Variants in PCDHA4 observed in about 807,000 individuals in gnomAD.
PCDHA4 encodes protocadherin alpha 4, also known as protocadherin alpha-4.
In PCDHA4, 49 loss-of-function variants were observed where a neutral mutation model predicts 61.4. The observed-to-expected ratio is 0.80, with a 90% confidence interval of 0.63 to 1.01. The LOEUF (loss-of-function observed/expected upper bound fraction) is 1.01. PCDHA4 is among the 50% of genes least tolerant of loss of function. The pLI is 0.00. For synonymous variants in PCDHA4, 590 were observed against 550.3 expected, an observed-to-expected ratio of 1.07 and a Z score of -1.01; for missense variants, 1,254 against 1,235.8, an observed-to-expected ratio of 1.01 and a Z score of -0.22.
intron 3 of PCDHA4, among the ~76,000 whole-genome samples, chr5:140,992,572 G>T (rs1441448703): frequency 2.0e-5 from 3 of 152,148 alleles, no homozygotes; most frequent in Non-Finnish European, 4.4e-5. Flanking sequence ...AACACATATT[G>T]CCTGCCTTGT....
At chr5:140,836,239 G>A in intron 1 of PCDHA4, 1 of 1,613,796 alleles carries the variant, frequency 6.2e-7, no homozygotes, top group Non-Finnish European at 8.5e-7. Context: ...GCCGGTGCGA[G>A]CATCCCGTTC....
chr5:140,972,290 C>T (rs1331683497), intron 1 of PCDHA4, among the ~76,000 whole-genome samples: 1 of 151,820 alleles, frequency 6.6e-6, no homozygotes, highest in African/African-American at 2.4e-5. Flanking sequence ...TAGATGTGCG[C>T]CACCGTGTCT....
At chr5:140,828,112 T>A (rs2150151121) in intron 1 of PCDHA4, 6 of 1,611,926 alleles carry the variant, frequency 3.7e-6, no homozygotes, top group Non-Finnish European at 5.1e-6. Context: ...CCCCGGAGGA[T>A]AGATTGGGAA....
chr5:140,830,361 G>C (rs2150185402), intron 1 of PCDHA4: 1 of 1,614,126 alleles, frequency 6.2e-7, no homozygotes, highest in Non-Finnish European at 8.5e-7. Flanking sequence ...AGGCGGCAGA[G>C]GGTGTGCTCC....
intron 1 of PCDHA4, chr5:140,867,633 T>C (rs1479252473): frequency 2.6e-5 from 4 of 152,136 alleles, no homozygotes; most frequent in Admixed American, 2.0e-4. Context: ...ATATTTAAGC[T>C]AGAGTGATAT....
intron 1 of PCDHA4, among the ~76,000 whole-genome samples, chr5:140,934,783 A>C (rs2090034582): frequency 6.6e-6 from 1 of 152,180 alleles, no homozygotes; most frequent in Non-Finnish European, 1.5e-5. Context: ...GGCCCAATCC[A>C]TGTCAATTAT....
chr5:140,817,760 A>C (rs1766196831), intron 1 of PCDHA4, among the ~76,000 whole-genome samples: 2 of 152,206 alleles, frequency 1.3e-5, no homozygotes, highest in African/African-American at 4.8e-5. Context: ...TTCTGAAGAA[A>C]TTAACATTTC....
chr5:140,852,974 G>T (rs1554146261), intron 1 of PCDHA4: 2 of 368,228 alleles, frequency 5.4e-6, no homozygotes, highest in East Asian at 1.6e-4. Context: ...CCCCTCCCGT[G>T]TTCACGCCAT....
intron 1 of PCDHA4, among the ~76,000 whole-genome samples, chr5:140,886,252 C>G (rs1368508838): frequency 6.6e-6 from 1 of 151,858 alleles, no homozygotes; most frequent in Non-Finnish European, 1.5e-5. Flanking sequence ...ATAAAAGTAT[C>G]TCTATTTATA....
chr5:140,829,816 T>C (rs2150175358), intron 1 of PCDHA4: 4 of 1,613,796 alleles, frequency 2.5e-6, no homozygotes, highest in South Asian at 1.1e-5. Context: ...GTACTGGTGG[T>C]GCAGTGAGCG....
chr5:140,902,127 C>G (rs2069118126), intron 1 of PCDHA4, among the ~76,000 whole-genome samples: 1 of 150,418 alleles, frequency 6.6e-6, no homozygotes, highest in African/African-American at 2.4e-5. Context: ...GAGATTATAT[C>G]ATCTGCAAAC....
intron 1 of PCDHA4, chr5:140,862,620 G>A (rs2047455093): frequency 1.9e-6 from 1 of 528,384 alleles, no homozygotes. Context: ...GTAACAACCC[G>A]CGGGGCTGCC....
intron 1 of PCDHA4, among the ~76,000 whole-genome samples, chr5:140,855,664 C>G (rs2043557127): frequency 6.7e-6 from 1 of 149,694 alleles, no homozygotes. Flanking sequence ...GAAGAAATCA[C>G]TACTCTGAGA....
At chr5:140,871,662 A>G in intron 1 of PCDHA4, 1 of 1,211,512 alleles carries the variant, frequency 8.3e-7, no homozygotes, top group Non-Finnish European at 1.1e-6. Context: ...ACACATCTTC[A>G]GTCTTTTAAT....
At chr5:140,843,023 C>A (rs2150350362) in intron 1 of PCDHA4, 2 of 1,595,030 alleles carry the variant, frequency 1.3e-6, no homozygotes. Context: ...ACTGCTGGAG[C>A]CTCGGGTGGG....
intron 1 of PCDHA4, chr5:140,857,618 C>T: frequency 6.3e-7 from 1 of 1,596,552 alleles, no homozygotes; most frequent in Non-Finnish European, 8.6e-7. Flanking sequence ...GCCGCTGGAC[C>T]ACGAGGAGCT....
chr5:140,808,708 C>T lies in PCDHA4; in HGVS notation c.1521C>T (p.Tyr507=), dbSNP rs1212194365. The T allele has an allele frequency of 1.9e-6, 3 of 1,612,140 alleles. No homozygotes were observed. The highest frequency in any genetic ancestry group is 2.5e-6 in the Non-Finnish European group (3 of 1,179,804). Residue 507 remains tyrosine, a synonymous_variant, in exon 1 of 4, where the codon TAC becomes TAT. Coordinates refer to ENST00000530339, the MANE Select transcript of PCDHA4 (RefSeq NM_018907.4). ...RRVGERALSS[Y]VSVHAESGKV... is the part of the protein sequence containing the mutation. ...TAGGGGAGCGCGCGCTGTCGAGCTACGTTTCGGTGCATGCGGAGAGCGGCA... is the reference window on the plus strand; with the variant it reads ...TAGGGGAGCGCGCGCTGTCGAGCTATGTTTCGGTGCATGCGGAGAGCGGCA...
At position 140,984,581 on chromosome 5, in the gene PCDHA4, C is replaced by T. The variant is rs141574202; in HGVS notation, c.2533+2018C>T. ...TCCAACTACTCCATGGCAACCTAAT[C>T]ATACTTTTCAATACATACCTCTGCA... On this transcript the variant is annotated intron_variant, in intron 3 of 3. Transcript: ENST00000530339. 4.4e-3 allele frequency among the ~76,000 whole-genome samples: 664 copies of T among 152,272 alleles called. 7 individuals carry two copies. The highest frequency in any genetic ancestry group is 0.013 in the African/African-American group (558 of 41,552).
chr5:140,890,945 G>A (rs2062873584), intron 1 of PCDHA4, among the ~76,000 whole-genome samples: 1 of 152,132 alleles, frequency 6.6e-6, no homozygotes, highest in Non-Finnish European at 1.5e-5. Flanking sequence ...AGATGCTGGT[G>A]AGGAATGATT....
Sources: allele counts gnomAD v4.1 joint callset (sites outside exome capture counted in the v4.1 genomes callset), GRCh38; gene constraint gnomAD v4.1.1; transcripts MANE v1.5; gene names NCBI Gene and HGNC (gene_info 2026-07-23, HGNC 2026-07-21).